The following CYP2C18 variants were observed in gnomAD, a reference collection of about 807,000 sequenced individuals.
CYP2C18 encodes the protein cytochrome P450 2C18.
A neutral mutation model predicts 41.3 loss-of-function variants in CYP2C18; 38 were observed. The observed-to-expected ratio is 0.92, with a 90% confidence interval of 0.71 to 1.21. The LOEUF (loss-of-function observed/expected upper bound fraction) is 1.21. CYP2C18 is among the 50% of genes most tolerant of loss of function. The pLI is 0.00. For missense variants in CYP2C18, 635 were observed against 591.4 expected (o/e 1.07, Z -0.77); for synonymous variants, 236 against 210.0 (o/e 1.12, Z -1.07).
chr10:94,731,463 T>C (rs961766480), intron 7 of CYP2C18, among the ~76,000 whole-genome samples: 4 of 151,568 alleles, frequency 2.6e-5, no homozygotes, highest in Non-Finnish European at 4.4e-5. Context: ...CGACTACCAG[T>C]GTCTCTTCTA....
In CYP2C18 at chr10:94,694,907, A is replaced by G. The variant is rs1250319852; in HGVS notation, c.482-10A>G. 1 of 1,608,038 alleles carries G rather than the reference A, an allele frequency of 6.2e-7. No individual in the cohort carries two copies. The highest frequency in any genetic ancestry group is 8.5e-7 in the Non-Finnish European group (1 of 1,178,260). On this transcript the variant is annotated splice_polypyrimidine_tract_variant and intron_variant, in intron 3 of 8. Transcript: ENST00000285979. ...TTTAATGGTAATTTAAAATATTTCCAATCCTTTAGCCTCACCCTGTGATCC... is the reference window on the plus strand; with the variant it reads ...TTTAATGGTAATTTAAAATATTTCCGATCCTTTAGCCTCACCCTGTGATCC...
At chr10:94,700,942 T>C (rs1369678000) in intron 4 of CYP2C18, among the ~76,000 whole-genome samples, 1 of 152,112 alleles carries the variant, frequency 6.6e-6, no homozygotes, top group Non-Finnish European at 1.5e-5. Flanking sequence ...CCAATTAGAA[T>C]GGTGATCATT....
intron 5 of CYP2C18, among the ~76,000 whole-genome samples, chr10:94,719,634 G>A (rs754759126): frequency 6.6e-6 from 1 of 151,848 alleles, no homozygotes; most frequent in Non-Finnish European, 1.5e-5. Context: ...GAGTGCAGTG[G>A]TGTGATCTCG....
intron 5 of CYP2C18, among the ~76,000 whole-genome samples, chr10:94,717,234 C>T (rs7894712): frequency 0.025 from 3,840 of 152,190 alleles, 146 homozygotes; most frequent in African/African-American, 0.075. Context: ...ATGATGTTAG[C>T]TGGTTATTTT....
chr10:94,731,454 G>A (rs1017011290), intron 7 of CYP2C18, among the ~76,000 whole-genome samples: 12 of 151,456 alleles, frequency 7.9e-5, no homozygotes, highest in Admixed American at 3.9e-4. Context: ...ATTCCTATCC[G>A]ACTACCAGTG....
At chr10:94,713,521 T>A (rs553921412) in intron 5 of CYP2C18, among the ~76,000 whole-genome samples, 1 of 152,350 alleles carries the variant, frequency 6.6e-6, no homozygotes, top group Admixed American at 6.5e-5. Context: ...TCATCCTTTT[T>A]TATGGCTGCA....
At chr10:94,705,971 G>A (rs1847335681) in intron 4 of CYP2C18, among the ~76,000 whole-genome samples, 1 of 152,100 alleles carries the variant, frequency 6.6e-6, no homozygotes, top group Non-Finnish European at 1.5e-5. Flanking sequence ...TGAAAAGCTG[G>A]CATTACTCAC....
In CYP2C18 at chr10:94,735,423, G is replaced by A; in HGVS notation, c.1452G>A (p.Gln484=). The A allele has an allele frequency of 1.9e-6, 3 of 1,613,552 alleles. No individual in the cohort carries two copies. Among genetic ancestry groups the A allele is most frequent in the Non-Finnish European group, 2.5e-6 (3 of 1,179,624 alleles). Residue 484 remains glutamine, a synonymous_variant, in exon 9 of 9, where the codon CAG becomes CAA. Transcript: ENST00000285979. The part of the protein sequence containing the change: ...NAFGRVPPLY[Q]LCFIPV ...TTGGTCGTGTGCCACCCTTGTACCA[G>A]CTCTGCTTCATTCCTGTCTGAAGAA...
chr10:94,704,394 T>C lies in CYP2C18; in HGVS notation c.643-2390T>C, dbSNP rs529054764. ...TTTTCAAAACTATTTTTGCAAGTCA[T>C]GTGTGGTTTCTGAAGTCTTTTCTTT... is the stretch of plus-strand genomic sequence containing the variant. On this transcript the variant is annotated intron_variant, in intron 4 of 8. Coordinates refer to ENST00000285979, the MANE Select transcript of CYP2C18 (RefSeq NM_000772.3). 3.3e-5 allele frequency among the ~76,000 whole-genome samples: 5 copies of C among 151,808 alleles called. No individual in the cohort carries two copies. The South Asian group carries it at 8.3e-4, about 25-fold the overall frequency.
intron 5 of CYP2C18, among the ~76,000 whole-genome samples, chr10:94,709,813 A>G (rs1355555850): frequency 6.6e-6 from 1 of 151,652 alleles, no homozygotes; most frequent in Non-Finnish European, 1.5e-5. Context: ...CATTCTTTGC[A>G]TGTGCATTCA....
chr10:94,696,679 T>G (rs1352359998), intron 4 of CYP2C18, among the ~76,000 whole-genome samples: 2 of 151,762 alleles, frequency 1.3e-5, no homozygotes, highest in East Asian at 3.9e-4. Context: ...ATCAAACTAC[T>G]CCAAGCTAAA....
chr10:94,684,931 C>A (rs1314426775), intron 1 of CYP2C18, among the ~76,000 whole-genome samples: 2 of 151,904 alleles, frequency 1.3e-5, no homozygotes, highest in African/African-American at 4.8e-5. Flanking sequence ...ATTTGCATTT[C>A]TCTGATGATT....
chr10:94,711,020 T>G (rs1847427446), intron 5 of CYP2C18, among the ~76,000 whole-genome samples: 1 of 152,202 alleles, frequency 6.6e-6, no homozygotes, highest in Admixed American at 6.5e-5. Flanking sequence ...TGTGAAGTGC[T>G]TTGTTCTTCC....
intron 6 of CYP2C18, among the ~76,000 whole-genome samples, chr10:94,723,678 G>T (rs1045841674): frequency 6.6e-6 from 1 of 152,150 alleles, no homozygotes; most frequent in Non-Finnish European, 1.5e-5. Context: ...GTGAATGTGT[G>T]TGCATGTTTC....
Sources: gnomAD v4.1 joint callset for allele counts (sites outside exome capture counted in the v4.1 genomes callset) on GRCh38, gnomAD v4.1.1 for gene constraint, MANE v1.5 for transcripts, NCBI Gene and HGNC (gene_info 2026-07-23, HGNC 2026-07-21) for gene names.